Variants in BLOC1S5 observed in about 807,000 individuals in gnomAD.
BLOC1S5 encodes the protein biogenesis of lysosome-related organelles complex 1 subunit 5.
In BLOC1S5, 27 loss-of-function variants were observed where a neutral mutation model predicts 24.3. The observed-to-expected ratio is 1.11, with a 90% CI of 0.82 to 1.53. The LOEUF (loss-of-function observed/expected upper bound fraction) is 1.53. Ranked by LOEUF, BLOC1S5 falls within the 40% of genes most tolerant of loss-of-function variation. The probability of loss-of-function intolerance (pLI) is 0.00; values close to 1 mark genes in which losing one functional copy is unlikely to be tolerated. For synonymous variants in BLOC1S5, 84 were observed against 74.5 expected (o/e 1.13, Z -0.66); for missense variants, 239 against 229.4 (o/e 1.04, Z -0.27).
At chr6:8,038,732 C>T (rs1339844898) in intron 3 of BLOC1S5, among the ~76,000 whole-genome samples, 6 of 152,216 alleles carry the variant, frequency 3.9e-5, no homozygotes, top group African/African-American at 7.2e-5. Flanking sequence ...GATCCACCCG[C>T]CTCGGCCTCC....
rs114384110 is a variant in BLOC1S5 at position 8,063,525 on chromosome 6, C to T, written c.112+740G>A. On this transcript the variant is annotated intron_variant, in intron 1 of 4. Coordinates refer to ENST00000397457, the MANE Select transcript of BLOC1S5 (RefSeq NM_201280.3). ...TTCATTTTTGCAGACATACGATGGGCAGGTTTCAATTCTCTATTTTAATGA... is the reference window on the plus strand; with the variant it reads ...TTCATTTTTGCAGACATACGATGGGTAGGTTTCAATTCTCTATTTTAATGA... 3.2e-4 allele frequency among the ~76,000 whole-genome samples: 49 copies of T among 152,240 alleles called. 1 individual carries two copies. The highest frequency in any genetic ancestry group is 1.1e-3 in the African/African-American group (45 of 41,538).
Position 8,043,437 on chromosome 6 carries a change from T to C in BLOC1S5, c.196-2169A>G, listed in dbSNP as rs73367250. Among the ~76,000 whole-genome samples, 310 of 152,136 alleles carry C rather than the reference T, an allele frequency of 2.0e-3. 4 individuals carry two copies. Among genetic ancestry groups the C allele is most frequent in the African/African-American group, 7.0e-3 (290 of 41,476 alleles). ...TCATCTCTGTGGTATTCTTTCCCAA[T>C]ACCCATAACCCCAGTCTAGTCATGA... On this transcript the variant is annotated intron_variant, in intron 2 of 4. Coordinates refer to ENST00000397457, the MANE Select transcript of BLOC1S5 (RefSeq NM_201280.3).
intron 4 of BLOC1S5, among the ~76,000 whole-genome samples, chr6:8,024,583 C>CA (rs1763045993): frequency 6.6e-6 from 1 of 150,930 alleles, no homozygotes. Context: ...TTCTTGTGGC[C>CA]ACTGCTTTTT....
chr6:8,045,963 G>A (rs953091240), intron 2 of BLOC1S5, among the ~76,000 whole-genome samples: 1 of 152,150 alleles, frequency 6.6e-6, no homozygotes, highest in African/African-American at 2.4e-5. Flanking sequence ...TGCTGGGAAG[G>A]CATGATTGGT....
chr6:8,045,428 C>A (rs1763845348), intron 2 of BLOC1S5, among the ~76,000 whole-genome samples: 1 of 152,162 alleles, frequency 6.6e-6, no homozygotes, highest in South Asian at 2.1e-4. Context: ...GGGGTCGGAG[C>A]CCCCACACAG....
intron 4 of BLOC1S5, among the ~76,000 whole-genome samples, chr6:8,022,873 C>T (rs1043671155): frequency 1.8e-4 from 25 of 140,990 alleles, no homozygotes; most frequent in Admixed American, 1.1e-3. Flanking sequence ...CGTGAGCCAC[C>T]GCGCCCGGCC....
intron 2 of BLOC1S5, among the ~76,000 whole-genome samples, chr6:8,042,468 T>C (rs937406828): frequency 7.9e-5 from 12 of 152,204 alleles, no homozygotes; most frequent in Non-Finnish European, 1.5e-5. Flanking sequence ...CCTCCGTTGG[T>C]ATAAAACCCT....
chr6:8,059,192 T>C (rs1258402336), intron 2 of BLOC1S5, among the ~76,000 whole-genome samples: 2 of 152,210 alleles, frequency 1.3e-5, no homozygotes, highest in African/African-American at 2.4e-5. Context: ...TATGAATCTC[T>C]GTCCATAATG....
intron 3 of BLOC1S5, among the ~76,000 whole-genome samples, chr6:8,030,243 C>T (rs142383975): frequency 0.039 from 5,948 of 152,032 alleles, 369 homozygotes; most frequent in African/African-American, 0.13. Context: ...TACCACAACC[C>T]CTGCCTCCTG....
chr6:8,050,346 CACTG>C (rs1156920036), intron 2 of BLOC1S5, among the ~76,000 whole-genome samples: 2 of 152,148 alleles, frequency 1.3e-5, no homozygotes, highest in East Asian at 3.9e-4. Context: ...TCTCATTGCT[CACTG>C]ACTGGCCATT....
At chr6:8,031,725 A>G (rs1763305479) in intron 3 of BLOC1S5, among the ~76,000 whole-genome samples, 1 of 152,228 alleles carries the variant, frequency 6.6e-6, no homozygotes, top group Non-Finnish European at 1.5e-5. Flanking sequence ...ACTACACTAC[A>G]AGGCTATAGT....
chr6:8,019,611 G>T (rs1339553545), intron 4 of BLOC1S5, among the ~76,000 whole-genome samples: 1 of 151,798 alleles, frequency 6.6e-6, no homozygotes, highest in Admixed American at 6.6e-5. Context: ...GAAAAAAGGG[G>T]GGGGGGGCGC....
At chr6:8,027,348 C>T (rs1763142421) in intron 3 of BLOC1S5, 1 of 456,530 alleles carries the variant, frequency 2.2e-6, no homozygotes, top group Non-Finnish European at 4.4e-6. Flanking sequence ...GTGCTTTGTG[C>T]CAGGCACTGT....
chr6:8,022,249 A>G (rs1423506787), intron 4 of BLOC1S5, among the ~76,000 whole-genome samples: 2 of 149,558 alleles, frequency 1.3e-5, no homozygotes, highest in South Asian at 2.2e-4. Context: ...GGCATCTAGT[A>G]GGCAGAGGTC....
chr6:8,049,371 C>A (rs1423718401), intron 2 of BLOC1S5, among the ~76,000 whole-genome samples: 15 of 143,880 alleles, frequency 1.0e-4, no homozygotes, highest in South Asian at 4.3e-4. Flanking sequence ...GACTTCGTCT[C>A]AAAAAAAAAA....
At chr6:8,053,406 C>A (rs764415646) in intron 2 of BLOC1S5, among the ~76,000 whole-genome samples, 1 of 152,150 alleles carries the variant, frequency 6.6e-6, no homozygotes, top group Non-Finnish European at 1.5e-5. Context: ...CAACCACCAC[C>A]CTGATCAGTC....
intron 3 of BLOC1S5, chr6:8,027,295 T>C (rs1171843650): frequency 2.6e-5 from 12 of 455,744 alleles, no homozygotes; most frequent in African/African-American, 2.4e-4. Flanking sequence ...CTTGGGCATG[T>C]TTGCTCGCTC....
chr6:8,061,321 TATA>T (rs1764508399), intron 2 of BLOC1S5, among the ~76,000 whole-genome samples: 1 of 152,196 alleles, frequency 6.6e-6, no homozygotes, highest in Non-Finnish European at 1.5e-5. Context: ...GACGATGTGG[TATA>T]ATCAGATTGT....
At chr6:8,063,467 C>T (rs1035939972) in intron 1 of BLOC1S5, among the ~76,000 whole-genome samples, 5 of 152,188 alleles carry the variant, frequency 3.3e-5, no homozygotes, top group Non-Finnish European at 7.3e-5. Context: ...ATGTATTATT[C>T]ATATTCATTC....
Sources: gnomAD v4.1 joint callset for allele counts (sites outside exome capture counted in the v4.1 genomes callset) on GRCh38, gnomAD v4.1.1 for gene constraint, MANE v1.5 for transcripts, NCBI Gene and HGNC (gene_info 2026-07-23, HGNC 2026-07-21) for gene names.